The following IPP variants were observed in gnomAD, a reference collection of about 807,000 sequenced individuals.
The protein encoded by IPP is intracisternal A particle-promoted polypeptide.
In IPP, 41 loss-of-function variants were observed where a neutral mutation model predicts 64.1. The observed-to-expected ratio is 0.64, with a 90% CI of 0.50 to 0.83. The LOEUF is 0.83. IPP is among the 40% of genes least tolerant of loss of function. The probability of loss-of-function intolerance (pLI) is 0.00; values close to 1 mark genes in which losing one functional copy is unlikely to be tolerated. For missense variants in IPP, 649 were observed against 703.0 expected (o/e 0.92, Z 0.87); for synonymous variants, 214 against 235.2 (o/e 0.91, Z 0.83).
intron 8 of IPP, among the ~76,000 whole-genome samples, chr1:45,710,364 C>A (rs1220327809): frequency 8.3e-6 from 1 of 120,708 alleles, no homozygotes; most frequent in African/African-American, 2.9e-5. Flanking sequence ...CTCAGCTGGG[C>A]GCGGTGGCTC....
chr1:45,727,283 C>G (rs1645841664), intron 5 of IPP, among the ~76,000 whole-genome samples: 1 of 152,126 alleles, frequency 6.6e-6, no homozygotes, highest in South Asian at 2.1e-4. Context: ...CTCTTGAGCT[C>G]AAGTGATCCG....
intron 8 of IPP, among the ~76,000 whole-genome samples, chr1:45,709,216 G>A (rs138556772): frequency 0.025 from 3,741 of 151,086 alleles, 76 homozygotes; most frequent in Non-Finnish European, 0.038. Context: ...GGCAGATCAC[G>A]AGGTCAGGAG....
Position 45,741,089 on chromosome 1 carries a change from G to A in IPP, c.536C>T (p.Thr179Met), listed in dbSNP as rs375935974. The A allele has an allele frequency of 2.1e-5, 34 of 1,613,868 alleles. No homozygotes were observed. The highest frequency in any genetic ancestry group is 2.4e-5 in the Non-Finnish European group (28 of 1,179,980). ...VHSGEEFLAL[T>M]KDQLIKILRS... ...CAAAATTTTGATCAGCTGATCTTTC[G>A]TAAGTGCCAGGAACTCTTCTCCACT... Residue 179 changes from threonine (T) to methionine (M), a missense_variant, in exon 3 of 9, where the codon ACG becomes ATG. By Grantham distance (81) the Thr-to-Met change is moderately conservative. Coordinates refer to ENST00000396478, the MANE Select transcript of IPP (RefSeq NM_005897.3).
intron 8 of IPP, among the ~76,000 whole-genome samples, 172 bp from the exon 9 acceptor site, chr1:45,700,362 G>A (rs1178002070): frequency 6.6e-6 from 1 of 151,146 alleles, no homozygotes; most frequent in Non-Finnish European, 1.5e-5. Context: ...TTTCCTTGGA[G>A]ACAGGGTCTC....
At chr1:45,747,055 C>A (rs1019473156) in intron 1 of IPP, among the ~76,000 whole-genome samples, 3 of 152,242 alleles carry the variant, frequency 2.0e-5, no homozygotes, top group South Asian at 2.1e-4. Flanking sequence ...CATTCTATAG[C>A]ACAGGTCTAC....
rs539899491 is a variant in IPP at position 45,740,382 on chromosome 1, C to T, written c.724+519G>A. Among the ~76,000 whole-genome samples, 12 of 152,330 alleles carry T rather than the reference C, an allele frequency of 7.9e-5. No individual in the cohort carries two copies. The East Asian group carries it at 2.1e-3, about 27-fold the overall frequency. Reference sequence around the variant, plus strand: ...GGTGGCTGGGCAGAGGGGCTCCTCACTTCCCAGTAGGGGCGGCCGGGCAGA... The same window carrying T: ...GGTGGCTGGGCAGAGGGGCTCCTCATTTCCCAGTAGGGGCGGCCGGGCAGA... On this transcript the variant is annotated intron_variant, in intron 3 of 8. Transcript: ENST00000396478.
intron 3 of IPP, among the ~76,000 whole-genome samples, chr1:45,737,876 A>C (rs1005172372): frequency 6.6e-6 from 1 of 152,274 alleles, no homozygotes; most frequent in East Asian, 1.9e-4. Context: ...TTATCATCTC[A>C]TATCATCACC....
At chr1:45,733,841 A>C (rs1189264962) in intron 3 of IPP, among the ~76,000 whole-genome samples, 1 of 152,104 alleles carries the variant, frequency 6.6e-6, no homozygotes, top group Non-Finnish European at 1.5e-5. Context: ...CAAAAAAAAA[A>C]AACAGTATTA....
chr1:45,734,669 G>A (rs1369658796), intron 3 of IPP, among the ~76,000 whole-genome samples: 3 of 152,164 alleles, frequency 2.0e-5, no homozygotes, highest in Non-Finnish European at 4.4e-5. Flanking sequence ...GCCCAGGCTG[G>A]AGCGCAGTGG....
chr1:45,715,643 A>G (rs1009061850), intron 7 of IPP, among the ~76,000 whole-genome samples: 1 of 151,732 alleles, frequency 6.6e-6, no homozygotes, highest in African/African-American at 2.4e-5. Flanking sequence ...TCCATCTCAA[A>G]AAAAAAAAAA....
intron 3 of IPP, among the ~76,000 whole-genome samples, chr1:45,734,241 T>G (rs1645947343): frequency 6.6e-6 from 1 of 152,152 alleles, no homozygotes; most frequent in Non-Finnish European, 1.5e-5. Flanking sequence ...ACTATGATTC[T>G]TTTAATGATT....
At position 45,729,789 on chromosome 1, in the gene IPP, G is replaced by A; in HGVS notation, c.725-20C>T. Reference sequence around the variant, plus strand: ...ATACTCCTAAAACAATATTTAAAAAGACAATGTTTTAAACAATTTTTAAAT... The same window carrying A: ...ATACTCCTAAAACAATATTTAAAAAAACAATGTTTTAAACAATTTTTAAAT... On this transcript the variant is annotated intron_variant, in intron 3 of 8. Coordinates refer to ENST00000396478, the MANE Select transcript of IPP (RefSeq NM_005897.3). 8 of 1,422,400 alleles carry A rather than the reference G, an allele frequency of 5.6e-6. No homozygotes were observed. The highest frequency in any genetic ancestry group is 6.7e-6 in the Non-Finnish European group (7 of 1,045,808). 88.1% of individuals were successfully genotyped at this position (1,422,400 alleles called of 1,614,324 possible). A position where few individuals can be genotyped will look rare whatever the true frequency, so the allele number is the denominator to read the frequency against.
Position 45,721,392 on chromosome 1 carries a change from G to A in IPP, c.1049-2052C>T, listed in dbSNP as rs77376483. Among the ~76,000 whole-genome samples, 461 of 152,308 alleles carry A rather than the reference G, an allele frequency of 3.0e-3. 4 individuals carry two copies. Among genetic ancestry groups the A allele is most frequent in the East Asian group, 0.023 (117 of 5,184 alleles). On this transcript the variant is annotated intron_variant, in intron 5 of 8. Transcript: ENST00000396478. ...GAAGAAGGAGGCTATGTCATCAGCT[G>A]CCTGCAAAAACCTTGGGCACTATGT...
chr1:45,727,490 C>CTCCCTT (rs1422041528), intron 5 of IPP, 141 bp downstream of exon 5: 1 of 284,442 alleles, frequency 3.5e-6, no homozygotes, highest in East Asian at 5.9e-5. Context: ...CCCTCCCTCC[C>CTCCCTT]TCCTTCCTTC....
At chr1:45,750,103 G>T (rs996008449) in intron 1 of IPP, among the ~76,000 whole-genome samples, 2 of 152,150 alleles carry the variant, frequency 1.3e-5, no homozygotes, top group Non-Finnish European at 2.9e-5. Context: ...AGGAACTAAA[G>T]CGGACCTATG....
intron 8 of IPP, among the ~76,000 whole-genome samples, chr1:45,701,487 G>C (rs903953996): frequency 1.3e-5 from 2 of 152,204 alleles, no homozygotes; most frequent in South Asian, 4.1e-4. Flanking sequence ...CAGTTTCACC[G>C]TGTTGGCCAG....
At chr1:45,701,082 A>G (rs1388212799) in intron 8 of IPP, among the ~76,000 whole-genome samples, 4 of 152,240 alleles carry the variant, frequency 2.6e-5, no homozygotes, top group South Asian at 2.1e-4. Flanking sequence ...GCCTGAGAAC[A>G]AACAATGATT....
chr1:45,722,516 G>C (rs997536310), intron 5 of IPP, among the ~76,000 whole-genome samples: 3 of 152,092 alleles, frequency 2.0e-5, no homozygotes, highest in African/African-American at 7.2e-5. Flanking sequence ...CTGCATTCCA[G>C]CCTGGGCAAC....
intron 3 of IPP, among the ~76,000 whole-genome samples, chr1:45,739,409 CTTTTTTTTT>C (rs531027721): frequency 2.8e-4 from 25 of 90,578 alleles, no homozygotes; most frequent in Non-Finnish European, 4.6e-4. Context: ...AATTTTTTGC[CTTTTTTTTT>C]TTTTTTTTTT....
Sources: gnomAD v4.1 joint callset for allele counts (sites outside exome capture counted in the v4.1 genomes callset) on GRCh38, gnomAD v4.1.1 for gene constraint, MANE v1.5 for transcripts, NCBI Gene and HGNC (gene_info 2026-07-23, HGNC 2026-07-21) for gene names.